Variants in XPO6 observed in about 807,000 individuals in gnomAD.
XPO6 encodes exportin 6, also known as exportin-6.
Under a neutral mutation model 130.0 loss-of-function variants are expected in XPO6, and 3 were observed. The ratio of observed to expected loss-of-function variants is 0.02; its 90% CI spans 0.01 to 0.06. The LOEUF is 0.06. Ranked by LOEUF, XPO6 falls within the 10% of genes least tolerant of loss-of-function variation. XPO6 has a pLI of 1.00. For synonymous variants in XPO6, 524 were observed against 548.9 expected (o/e 0.95, Z 0.63); for missense variants, 970 against 1,393.0 (o/e 0.70, Z 4.83).
chr16:28,206,111 T>A (rs913043830), intron 1 of XPO6, among the ~76,000 whole-genome samples: 8 of 149,222 alleles, frequency 5.4e-5, no homozygotes, highest in African/African-American at 1.7e-4. Context: ...GGTTCATAGA[T>A]GTAAGATGCC....
chr16:28,131,426 C>T (rs114311557), intron 12 of XPO6, among the ~76,000 whole-genome samples: 1 of 152,164 alleles, frequency 6.6e-6, no homozygotes. Flanking sequence ...GCACCAGAGC[C>T]GGGACAGATC....
At chr16:28,098,951 A>G (rs574136673) in intron 23 of XPO6, among the ~76,000 whole-genome samples, 3 of 152,326 alleles carry the variant, frequency 2.0e-5, no homozygotes, top group African/African-American at 7.2e-5. Context: ...CACTAGTCTA[A>G]GGACAGAAAG....
At chr16:28,189,987 A>T (rs1444250790) in intron 1 of XPO6, among the ~76,000 whole-genome samples, 1 of 152,176 alleles carries the variant, frequency 6.6e-6, no homozygotes, top group Non-Finnish European at 1.5e-5. Flanking sequence ...CAAGAGTTAG[A>T]AGCAAGATGA....
chr16:28,188,117 T>C (rs940420623), intron 1 of XPO6, among the ~76,000 whole-genome samples: 2 of 152,180 alleles, frequency 1.3e-5, no homozygotes, highest in African/African-American at 4.8e-5. Flanking sequence ...TTAAATTTTT[T>C]TTAAATAAAG....
chr16:28,155,915 G>A (rs1284736365), intron 7 of XPO6, 159 bp downstream of exon 7: 1 of 1,403,090 alleles, frequency 7.1e-7, no homozygotes. Flanking sequence ...AGCCCTTCCA[G>A]CTAATCTCAG....
At chr16:28,130,746 A>G (rs899507352) in intron 12 of XPO6, among the ~76,000 whole-genome samples, 1 of 152,242 alleles carries the variant, frequency 6.6e-6, no homozygotes, top group African/African-American at 2.4e-5. Context: ...TATTTCCTAT[A>G]GGAAAAAATA....
In XPO6 at chr16:28,101,545, G is replaced by C. The variant is rs755537974; in HGVS notation, c.3189C>G (p.Ala1063=). Residue 1063 remains alanine (A), a synonymous_variant, in exon 23 of 24, where the codon GCC becomes GCG. Transcript: ENST00000304658. This position sits in a 1 kb window ranked among gnomAD's most constrained non-coding sequence, Gnocchi z 5.4. Reference sequence around the variant, plus strand: ...TGGTCAGGAACTCTGGGAGGAAGGCGGCAAAGAAGCCATCAAAGTCGACTG... The same window carrying C: ...TGGTCAGGAACTCTGGGAGGAAGGCCGCAAAGAAGCCATCAAAGTCGACTG... ...MASVDFDGFF[A]AFLPEFLTSC... is the part of the protein sequence containing the mutation. 1 of 1,614,238 alleles carries C rather than the reference G, an allele frequency of 6.2e-7. No homozygotes were observed.
In XPO6 at chr16:28,101,270, G is replaced by A. The variant is rs772768515; in HGVS notation, c.3276+188C>T. 2 of 680,502 alleles carry A rather than the reference G, an allele frequency of 2.9e-6. No individual in the cohort carries two copies. Among genetic ancestry groups the A allele is most frequent in the South Asian group, 1.6e-5 (1 of 64,116 alleles). The allele number at this position is 680,502 out of a possible 1,614,324, so 42.2% of individuals were successfully genotyped here. A position where few individuals can be genotyped will look rare whatever the true frequency, so the allele number is the denominator to read the frequency against. Reference sequence around the variant, plus strand: ...TACGTGCTACAGACACCAAGACTGGGGAAAAGGCTGTGCCCCTCAATCAGG... The same window carrying A: ...TACGTGCTACAGACACCAAGACTGGAGAAAAGGCTGTGCCCCTCAATCAGG... On this transcript the variant is annotated intron_variant, in intron 23 of 23. Transcript: ENST00000304658. This position sits in a 1 kb window ranked among gnomAD's most constrained non-coding sequence, Gnocchi z 5.4.
chr16:28,185,433 C>T (rs998622028), intron 1 of XPO6, among the ~76,000 whole-genome samples: 1 of 152,026 alleles, frequency 6.6e-6, no homozygotes, highest in Non-Finnish European at 1.5e-5. Context: ...TAGTGGTTAC[C>T]TTGGAGGAGG....
At chr16:28,186,186 G>A (rs1421008287) in intron 1 of XPO6, among the ~76,000 whole-genome samples, 2 of 152,002 alleles carry the variant, frequency 1.3e-5, no homozygotes, top group African/African-American at 4.8e-5. Context: ...TCTGCGGACT[G>A]TTGCTTCTCA....
At position 28,101,197 on chromosome 16, in the gene XPO6, G is replaced by A. The variant is rs1027971131; in HGVS notation, c.3276+261C>T. On this transcript the variant is annotated intron_variant, in intron 23 of 23. Transcript: ENST00000304658. The surrounding 1 kb of genome is among the most constrained non-coding windows in gnomAD (Gnocchi z 5.4). ...ACAAAGATGCCAAGACAAATGGAGG[G>A]GCTGCAGAGCCAGGAACTCGGGACC... is the stretch of plus-strand genomic sequence containing the variant. 27 of 552,894 alleles carry A rather than the reference G, an allele frequency of 4.9e-5. 1 individual carries two copies. In the South Asian group the frequency reaches 4.9e-4, roughly 10 times the overall value. The allele number at this position is 552,894 out of a possible 1,614,324, so 34.2% of individuals were successfully genotyped here.
intron 4 of XPO6, among the ~76,000 whole-genome samples, chr16:28,171,452 C>CAAAAAAAAAAAAAAAAAAA (rs36000498): frequency 1.0e-5 from 1 of 99,092 alleles, no homozygotes; most frequent in African/African-American, 4.1e-5. Flanking sequence ...GACTCTGTCT[C>CAAAAAAAAAAAAAAAAAAA]AAAAAAAAAA....
Position 28,101,477 on chromosome 16 carries a change from C to T in XPO6, c.3257G>A (p.Arg1086Gln), listed in dbSNP as rs750607548. ...CCTCACCCGATCCATCTTGAAATTC[C>T]GCCCCAGCACACTTTTCTGGTTGGC... ...VDANQKSVLGRNFKMDRDLPS... is the reference protein window; with the variant it reads ...VDANQKSVLGQNFKMDRDLPS... The change falls in exon 23 of 24, where the codon CGG becomes CAG. Residue 1086 changes from arginine (R) to glutamine (Q), a missense_variant. Arg to Gln is a conservative substitution (Grantham distance 43). Transcript: ENST00000304658. This position sits in a 1 kb window ranked among gnomAD's most constrained non-coding sequence, Gnocchi z 5.4. 5.6e-6 allele frequency: 9 copies of T among 1,614,136 alleles called. No individual in the cohort carries two copies. Among genetic ancestry groups the T allele is most frequent in the South Asian group, 4.4e-5 (4 of 91,084 alleles).
At chr16:28,139,016 G>A (rs901098092) in intron 9 of XPO6, among the ~76,000 whole-genome samples, 2 of 152,146 alleles carry the variant, frequency 1.3e-5, no homozygotes, top group Non-Finnish European at 2.9e-5. Context: ...GCTCCATGAG[G>A]TTCCTCTATG....
In XPO6 at chr16:28,136,935, T is replaced by C. The variant is rs143411677; in HGVS notation, c.1335-1611A>G. 8.6e-3 allele frequency among the ~76,000 whole-genome samples: 1,314 copies of C among 152,324 alleles called. 23 individuals are homozygous for C. Among genetic ancestry groups the C allele is most frequent in the African/African-American group, 0.03 (1,256 of 41,560 alleles). ...CTGGGGCTGAGACTCAAAGGACACT[T>C]TGTTTCGGTCTGTTAGGTTCTGCCA... On this transcript the variant is annotated intron_variant, in intron 9 of 23. Transcript: ENST00000304658.
At chr16:28,210,827 A>T (rs1164042096) in intron 1 of XPO6, among the ~76,000 whole-genome samples, 2 of 152,220 alleles carry the variant, frequency 1.3e-5, no homozygotes, top group Non-Finnish European at 2.9e-5. Context: ...TTCCTCATAT[A>T]TAAACCTACA....
chr16:28,128,024 G>T (rs1032365164), intron 12 of XPO6, among the ~76,000 whole-genome samples: 1 of 152,150 alleles, frequency 6.6e-6, no homozygotes, highest in Admixed American at 6.5e-5. Context: ...ACGAACTCAC[G>T]GAACCAATGA....
chr16:28,163,999 A>G (rs565678753), intron 6 of XPO6, among the ~76,000 whole-genome samples: 22 of 152,338 alleles, frequency 1.4e-4, no homozygotes, highest in African/African-American at 5.3e-4. Context: ...GCTGAGAAAT[A>G]AACCACACAC....
At chr16:28,196,934 C>T (rs1209054520) in intron 1 of XPO6, among the ~76,000 whole-genome samples, 1 of 152,178 alleles carries the variant, frequency 6.6e-6, no homozygotes, top group Non-Finnish European at 1.5e-5. Flanking sequence ...GAGCCAAATA[C>T]ACCTTTTCCC....
Sources: allele counts gnomAD v4.1 joint callset (sites outside exome capture counted in the v4.1 genomes callset), GRCh38; gene constraint gnomAD v4.1.1; non-coding constraint Gnocchi (gnomAD v3.1); transcripts MANE v1.5; gene names NCBI Gene and HGNC (gene_info 2026-07-23, HGNC 2026-07-21).